The following ZNF367 variants were observed in gnomAD, a reference collection of about 807,000 sequenced individuals.
ZNF367 encodes the protein C2H2 zinc finger protein ZFF29.
In ZNF367, 11 loss-of-function variants were observed where a neutral mutation model predicts 31.8. The observed-to-expected ratio is 0.35, with a 90% CI of 0.22 to 0.57. The LOEUF (loss-of-function observed/expected upper bound fraction) is 0.57. ZNF367 is among the 20% of genes least tolerant of loss of function. ZNF367 has a pLI of 0.85. For missense variants in ZNF367, 353 were observed against 484.1 expected, an observed-to-expected ratio of 0.73 and a Z score of 2.54; for synonymous variants, 199 against 202.4, an observed-to-expected ratio of 0.98 and a Z score of 0.14.
chr9:96,394,476 T>A (rs1831506783), intron 3 of ZNF367, among the ~76,000 whole-genome samples: 1 of 152,042 alleles, frequency 6.6e-6, no homozygotes, highest in African/African-American at 2.4e-5. Flanking sequence ...TAAAATAAGT[T>A]AAGAGTATAA....
chr9:96,417,816 A>C lies in ZNF367; in HGVS notation c.217T>G (p.Trp73Gly). ...FSDFMVYPWR[W>G]GENAHNVTLS... ...GTCACGTTGTGTGCGTTCTCGCCCC[A>C]GCGCCACGGGTACACCATGAAGTCG... is the stretch of plus-strand genomic sequence containing the variant. The change falls in exon 1 of 5, where the codon TGG becomes GGG. Residue 73 changes from tryptophan to glycine, a missense_variant. Transcript: ENST00000375256. This position sits in a 1 kb window ranked among gnomAD's most constrained non-coding sequence, Gnocchi z 5.0. The C allele has an allele frequency of 7.0e-7, 1 of 1,425,780 alleles. No homozygotes were observed. The highest frequency in any genetic ancestry group is 1.5e-5 in the South Asian group (1 of 65,980). The allele number at this position is 1,425,780 out of a possible 1,614,324, so 88.3% of individuals were successfully genotyped here.
intron 1 of ZNF367, among the ~76,000 whole-genome samples, chr9:96,409,768 C>T (rs887916221): frequency 6.6e-6 from 1 of 152,208 alleles, no homozygotes; most frequent in African/African-American, 2.4e-5. Context: ...ATTATTAACA[C>T]AGAGTCAGAC....
At chr9:96,400,368 G>C (rs1407159068) in intron 1 of ZNF367, among the ~76,000 whole-genome samples, 1 of 143,916 alleles carries the variant, frequency 6.9e-6, no homozygotes, top group Non-Finnish European at 1.5e-5. Context: ...TCTCCAGCCT[G>C]GGCAATAGAG....
At chr9:96,392,229 C>A in intron 4 of ZNF367, 169 bp downstream of exon 4, 1 of 924,790 alleles carries the variant, frequency 1.1e-6, no homozygotes, top group Non-Finnish European at 1.7e-6. Context: ...ATCCTAAGAT[C>A]CTAATACCAC....
At chr9:96,415,591 G>A (rs1041878830) in intron 1 of ZNF367, among the ~76,000 whole-genome samples, 3 of 128,248 alleles carry the variant, frequency 2.3e-5, no homozygotes, top group East Asian at 5.2e-4. Context: ...GCCGCCTCCC[G>A]AGTTCTACCA....
At chr9:96,406,559 T>G (rs1284169996) in intron 1 of ZNF367, among the ~76,000 whole-genome samples, 5 of 152,242 alleles carry the variant, frequency 3.3e-5, no homozygotes, top group African/African-American at 9.6e-5. Context: ...TTTCAAAAGA[T>G]TTAATGAAGT....
intron 2 of ZNF367, among the ~76,000 whole-genome samples, chr9:96,396,527 G>A (rs1016976537): frequency 2.0e-5 from 3 of 152,012 alleles, no homozygotes; most frequent in Non-Finnish European, 4.4e-5. Flanking sequence ...TGAGAAACAG[G>A]TGAGCACCAT....
In ZNF367 at chr9:96,417,971, A is replaced by C; in HGVS notation, c.62T>G (p.Ile21Ser). 1 of 1,465,164 alleles carries C rather than the reference A, an allele frequency of 6.8e-7. No homozygotes were observed. The highest frequency in any genetic ancestry group is 9.0e-7 in the Non-Finnish European group (1 of 1,115,570). The allele number at this position is 1,465,164 out of a possible 1,614,324, so 90.8% of individuals were successfully genotyped here. ...ENPPPPPPPV[I>S]FCHDSPKRVL... ...CCGCTTCGGGGAGTCGTGGCAGAAG[A>C]TGACGGGCGGCGGCGGCGGCGGCGG... Residue 21 changes from isoleucine (I) to serine (S), a missense_variant, in exon 1 of 5, where the codon ATC becomes AGC. Transcript: ENST00000375256. The surrounding 1 kb of genome is among the most constrained non-coding windows in gnomAD (Gnocchi z 5.0).
rs1403049239 is a variant in ZNF367 at position 96,388,319 on chromosome 9, A to C, written c.971T>G (p.Leu324Arg). 6.2e-7 allele frequency: 1 copy of C among 1,612,340 alleles called. No homozygotes were observed. Among genetic ancestry groups the C allele is most frequent in the Non-Finnish European group, 8.5e-7 (1 of 1,180,030 alleles). Residue 324 changes from leucine (L) to arginine (R), a missense_variant, in exon 5 of 5, where the codon CTG (leucine) becomes CGG (arginine). By Grantham distance (102) the Leu-to-Arg change is moderately radical. Coordinates refer to ENST00000375256, the MANE Select transcript of ZNF367 (RefSeq NM_153695.4). ...ATGCAGGCGCTCCCGCTGCTCCTGC[A>C]GCCGGCGCTGGGCCCCTCTCTTCTC... is the stretch of plus-strand genomic sequence containing the variant. ...DDEKRGAQRRLQEQRERLHGA... is the reference protein window; with the variant it reads ...DDEKRGAQRRRQEQRERLHGA...
At chr9:96,393,165 A>G (rs1831492863) in intron 3 of ZNF367, among the ~76,000 whole-genome samples, 1 of 152,242 alleles carries the variant, frequency 6.6e-6, no homozygotes, top group Non-Finnish European at 1.5e-5. Context: ...CAAAAGATGA[A>G]CAAAGCTACA....
Position 96,417,183 on chromosome 9 carries a change from C to A in ZNF367, c.420+430G>T, listed in dbSNP as rs1028371565. ...TTGCTCTTCGGCTGTCTCTGCAGGG[C>A]ATCTTTTAACAGGGCGAGGGCGATC... On this transcript the variant is annotated intron_variant, in intron 1 of 4. Coordinates refer to ENST00000375256, the MANE Select transcript of ZNF367 (RefSeq NM_153695.4). The surrounding 1 kb of genome is among the most constrained non-coding windows in gnomAD (Gnocchi z 5.0). 2.0e-5 allele frequency among the ~76,000 whole-genome samples: 3 copies of A among 152,316 alleles called. No homozygotes were observed. Among genetic ancestry groups the A allele is most frequent in the African/African-American group, 7.2e-5 (3 of 41,576 alleles).
At chr9:96,402,594 A>G (rs1049682294) in intron 1 of ZNF367, among the ~76,000 whole-genome samples, 3 of 145,914 alleles carry the variant, frequency 2.1e-5, no homozygotes, top group Admixed American at 6.8e-5. Context: ...CTGGGATTAC[A>G]AGTGCCCACC....
At chr9:96,392,360 G>A (rs1466881383) in intron 4 of ZNF367, 38 bp downstream of exon 4, 1 of 1,613,792 alleles carries the variant, frequency 6.2e-7, no homozygotes, top group Non-Finnish European at 8.5e-7. Context: ...AGCCCGCGCT[G>A]TGCATCTTCA....
chr9:96,409,096 CTT>C (rs1455337196), intron 1 of ZNF367, among the ~76,000 whole-genome samples: 1 of 152,182 alleles, frequency 6.6e-6, no homozygotes, highest in Non-Finnish European at 1.5e-5. Context: ...TCCCCTCCCT[CTT>C]GTTCCCTCTC....
intron 2 of ZNF367, among the ~76,000 whole-genome samples, chr9:96,396,074 C>T (rs1831526893): frequency 6.6e-6 from 1 of 152,074 alleles, no homozygotes; most frequent in Non-Finnish European, 1.5e-5. Flanking sequence ...AAGCTTTTTA[C>T]AAAATATGCT....
chr9:96,398,940 G>C (rs1238056656), intron 1 of ZNF367, among the ~76,000 whole-genome samples: 1 of 152,198 alleles, frequency 6.6e-6, no homozygotes, highest in African/African-American at 2.4e-5. Context: ...ACAGGGCAGA[G>C]AGGTGTCTCT....
Position 96,388,124 on chromosome 9 carries a change from C to G in ZNF367, c.*113G>C. On this transcript the variant is annotated 3_prime_UTR_variant, in exon 5 of 5. Coordinates refer to ENST00000375256, the MANE Select transcript of ZNF367 (RefSeq NM_153695.4). ...GGGCAATAACATTCTTCATAAATTT[C>G]TACAGAATAGCAGCCTATGATAAGC... The G allele has an allele frequency of 9.7e-7, 1 of 1,031,942 alleles. No individual in the cohort carries two copies. The highest frequency in any genetic ancestry group is 1.4e-6 in the Non-Finnish European group (1 of 720,750). The allele number at this position is 1,031,942 out of a possible 1,614,324, so 63.9% of individuals were successfully genotyped here. A position where few individuals can be genotyped will look rare whatever the true frequency, so the allele number is the denominator to read the frequency against.
intron 1 of ZNF367, among the ~76,000 whole-genome samples, chr9:96,415,353 C>T (rs1019513666): frequency 7.9e-5 from 12 of 151,626 alleles, no homozygotes; most frequent in Non-Finnish European, 1.8e-4. Context: ...AGGCGTGAGC[C>T]ACCCACCCGG....
intron 1 of ZNF367, among the ~76,000 whole-genome samples, chr9:96,405,790 G>A (rs1831665446): frequency 6.6e-6 from 1 of 152,212 alleles, no homozygotes; most frequent in African/African-American, 2.4e-5. Flanking sequence ...AGGTCTGCAT[G>A]TAGTAGGGAA....
Sources: allele counts gnomAD v4.1 joint callset (sites outside exome capture counted in the v4.1 genomes callset), GRCh38; gene constraint gnomAD v4.1.1; non-coding constraint Gnocchi (gnomAD v3.1); transcripts MANE v1.5; gene names NCBI Gene and HGNC (gene_info 2026-07-23, HGNC 2026-07-21).